IKBKE: variants seen among roughly 807,000 people sequenced by gnomAD.
IKBKE encodes inhibitor of nuclear factor kappa-B kinase subunit epsilon.
In IKBKE, 45 loss-of-function variants were observed where a neutral mutation model predicts 92.1. The observed-to-expected ratio is 0.49, with a 90% CI of 0.38 to 0.63. IKBKE has a LOEUF of 0.63. Ranked by LOEUF, IKBKE falls within the 20% of genes least tolerant of loss-of-function variation. IKBKE has a pLI of 0.00. For synonymous variants in IKBKE, 374 were observed against 380.3 expected, an observed-to-expected ratio of 0.98 and a Z score of 0.19; for missense variants, 700 against 932.8, an observed-to-expected ratio of 0.75 and a Z score of 3.25.
rs1665519024 is a variant in IKBKE at position 206,483,866 on chromosome 1, TC to T, written c.1428-1127del. ...CCACCTTCTGGACTCATCTAGAGCT[TC>T]CCCTTGAAGTTGTTTGTCTTGTCCT... On this transcript the variant is annotated intron_variant, in intron 13 of 21. Coordinates refer to ENST00000581977, the MANE Select transcript of IKBKE (RefSeq NM_014002.4). Among the ~76,000 whole-genome samples, 6 of 152,338 alleles carry T rather than the reference TC, an allele frequency of 3.9e-5. No individual in the cohort carries two copies. In the South Asian group the frequency reaches 1.2e-3, roughly 32 times the overall value.
chr1:206,486,956 C>T lies in IKBKE; in HGVS notation c.1617-958C>T, dbSNP rs572895259. 2.0e-5 allele frequency among the ~76,000 whole-genome samples: 3 copies of T among 152,318 alleles called. No individual in the cohort carries two copies. In the East Asian group the frequency reaches 5.8e-4, roughly 29 times the overall value. On this transcript the variant is annotated intron_variant, in intron 15 of 21. Coordinates refer to ENST00000581977, the MANE Select transcript of IKBKE (RefSeq NM_014002.4). Reference sequence around the variant, plus strand: ...AAGGCCCCATCCATTTGGATGAAGGCTGCAGATCTGAGCCCTGTCCTTTTG... The same window carrying T: ...AAGGCCCCATCCATTTGGATGAAGGTTGCAGATCTGAGCCCTGTCCTTTTG...
At position 206,487,637 on chromosome 1, in the gene IKBKE, T is replaced by G. The variant is rs782364805; in HGVS notation, c.1617-277T>G. ...CCACGTTCCTGTTGCCCGTCCTGCT[T>G]GGCTTCCTGTCTCTCTTATCTCCTA... is the stretch of plus-strand genomic sequence containing the variant. On this transcript the variant is annotated intron_variant, in intron 15 of 21. Coordinates refer to ENST00000581977, the MANE Select transcript of IKBKE (RefSeq NM_014002.4). The surrounding 1 kb of genome is among the most constrained non-coding windows in gnomAD (Gnocchi z 5.3). 6.6e-6 allele frequency among the ~76,000 whole-genome samples: 1 copy of G among 152,142 alleles called. No homozygotes were observed. Among genetic ancestry groups the G allele is most frequent in the Non-Finnish European group, 1.5e-5 (1 of 68,028 alleles).
chr1:206,496,038 G>T, intron 21 of IKBKE, 74 bp from the exon 22 acceptor site: 1 of 1,160,874 alleles, frequency 8.6e-7, no homozygotes, highest in South Asian at 1.3e-5. Context: ...AAAGCTAATT[G>T]TGCTGGGCCC....
At position 206,496,159 on chromosome 1, in the gene IKBKE, C is replaced by T. The variant is rs1553392037; in HGVS notation, c.*14C>T. On this transcript the variant is annotated 3_prime_UTR_variant, in exon 22 of 22. Transcript: ENST00000581977. Reference sequence around the variant, plus strand: ...CCTGATGTCTGAGCTCCATGGGGCACATGAGGCATCCTGAAGCATTAGAAT... The same window carrying T: ...CCTGATGTCTGAGCTCCATGGGGCATATGAGGCATCCTGAAGCATTAGAAT... 1.2e-6 allele frequency: 2 copies of T among 1,606,650 alleles called. No individual in the cohort carries two copies. The highest frequency in any genetic ancestry group is 1.7e-6 in the Non-Finnish European group (2 of 1,173,130).
intron 4 of IKBKE, 83 bp from the exon 5 acceptor site, chr1:206,474,782 G>A (rs1664968109): frequency 6.6e-7 from 1 of 1,518,140 alleles, no homozygotes; most frequent in African/African-American, 1.4e-5. Context: ...TGGGGGCTCT[G>A]GGCTCCAGGC....
At chr1:206,494,368 AC>A (rs1197640952) in intron 21 of IKBKE, among the ~76,000 whole-genome samples, 2 of 152,106 alleles carry the variant, frequency 1.3e-5, no homozygotes, top group African/African-American at 4.8e-5. Context: ...CCAGGAAGCC[AC>A]AGCGCAGACA....
chr1:206,494,006 C>T lies in IKBKE; in HGVS notation c.2117+15C>T. 2 of 1,612,272 alleles carry T rather than the reference C, an allele frequency of 1.2e-6. No individual in the cohort carries two copies. Among genetic ancestry groups the T allele is most frequent in the Non-Finnish European group, 1.7e-6 (2 of 1,178,314 alleles). ...ATCATCGAACGGTAAGGAGCTTTCA[C>T]CTTGTGTAGGTCAGGGCCGGGTCTT... On this transcript the variant is annotated intron_variant, in intron 21 of 21. Transcript: ENST00000581977.
In IKBKE at chr1:206,480,455, T is replaced by C; in HGVS notation, c.1349T>C (p.Leu450Pro). ...AGTCTCCCCTTGGACAGGGAGGTGCTCCAGGCCACATGCAGACGGACTCTG... is the reference window on the plus strand; with the variant it reads ...AGTCTCCCCTTGGACAGGGAGGTGCCCCAGGCCACATGCAGACGGACTCTG... Reference protein sequence around the residue: ...FRGLHWVMEVLQATCRRTLEV... With the variant: ...FRGLHWVMEVPQATCRRTLEV... The change falls in exon 13 of 22, where the codon CTC (leucine) becomes CCC (proline). Residue 450 changes from leucine (L) to proline (P), a missense_variant. By Grantham distance (98) the Leu-to-Pro change is moderately conservative (BLOSUM62 -3). Transcript: ENST00000581977. 6.2e-7 allele frequency: 1 copy of C among 1,613,534 alleles called. No homozygotes were observed.
At position 206,492,870 on chromosome 1, in the gene IKBKE, C is replaced by T. The variant is rs41299862; in HGVS notation, c.1836-153C>T. On this transcript the variant is annotated intron_variant, in intron 18 of 21. Transcript: ENST00000581977. Reference sequence around the variant, plus strand: ...GCATTATTGCAGTGGGGCGGGCAAGCGTGGAGGGCACAGCTGGCAGGGCAG... The same window carrying T: ...GCATTATTGCAGTGGGGCGGGCAAGTGTGGAGGGCACAGCTGGCAGGGCAG... 9.5e-4 allele frequency: 693 copies of T among 728,496 alleles called. 5 individuals are homozygous for T. The African/African-American group carries it at 9.8e-3, about 10-fold the overall frequency. 45.1% of individuals were successfully genotyped at this position (728,496 alleles called of 1,614,324 possible).
intron 2 of IKBKE, chr1:206,472,871 G>A (rs375841718): frequency 3.2e-6 from 1 of 316,102 alleles, no homozygotes; most frequent in African/African-American, 2.3e-5. Flanking sequence ...GGGAGAGGTG[G>A]TAGAGACAAG....
At position 206,473,227 on chromosome 1, in the gene IKBKE, G is replaced by A; in HGVS notation, c.-1G>A. The A allele has an allele frequency of 6.2e-7, 1 of 1,611,228 alleles. No homozygotes were observed. On this transcript the variant is annotated 5_prime_UTR_variant, in exon 3 of 22. Transcript: ENST00000581977. ...GGTGACCAGCCAGCTCAGGGCAGGA[G>A]ATGCAGAGCACAGCCAATTACCTGT...
At chr1:206,489,445 G>C (rs939312767) in intron 16 of IKBKE, among the ~76,000 whole-genome samples, 10 of 148,832 alleles carry the variant, frequency 6.7e-5, no homozygotes, top group Non-Finnish European at 1.2e-4. Context: ...GCTCATGTCT[G>C]TAATCTCAGC....
rs1553386562 is a variant in IKBKE at position 206,480,007 on chromosome 1, A to G, written c.1249-15A>G. The G allele has an allele frequency of 6.2e-7, 1 of 1,610,922 alleles. No homozygotes were observed. The highest frequency in any genetic ancestry group is 1.7e-5 in the Admixed American group (1 of 59,378). On this transcript the variant is annotated splice_polypyrimidine_tract_variant and intron_variant, in intron 11 of 21. Transcript: ENST00000581977. ...GGAGGTGTGGGACCTGGCCCTGTGC[A>G]TCTCTGTGTTTCAGGGCGTGTTGGG...
chr1:206,473,387 C>A, intron 3 of IKBKE, 73 bp downstream of exon 3: 2 of 1,122,180 alleles, frequency 1.8e-6, no homozygotes, highest in South Asian at 1.4e-5. Context: ...CTGGCCCAGT[C>A]AGCCCCCAGT....
Position 206,480,052 on chromosome 1 carries a change from C to A in IKBKE, c.1279C>A (p.Arg427=), listed in dbSNP as rs374485120. ...GVLGAGYQAL[R]LARALLDGQE... ...GTTGGGCGCCGGCTACCAGGCCCTG[C>A]GGCTGGCACGGGCCCTGCTGGATGG... The change falls in exon 12 of 22, where the codon CGG becomes AGG. Residue 427 remains arginine, a synonymous_variant. Coordinates refer to ENST00000581977, the MANE Select transcript of IKBKE (RefSeq NM_014002.4). 5 of 1,604,864 alleles carry A rather than the reference C, an allele frequency of 3.1e-6. No individual in the cohort carries two copies. The highest frequency in any genetic ancestry group is 2.2e-5 in the South Asian group (2 of 89,948).
rs41299015 is a variant in IKBKE, at chr1:206,485,235, G to C, written c.1545G>C (p.Glu515Asp). The C allele has an allele frequency of 1.1e-3, 1,735 of 1,614,040 alleles. 20 individuals carry two copies. In the African/African-American group the frequency reaches 0.021, roughly 20 times the overall value. The change falls in exon 15 of 22, where the codon GAG becomes GAC. Residue 515 changes from glutamate (E) to aspartate (D), a missense_variant. By Grantham distance (45) the Glu-to-Asp change is conservative (BLOSUM62 2). Coordinates refer to ENST00000581977, the MANE Select transcript of IKBKE (RefSeq NM_014002.4). The surrounding 1 kb of genome is among the most constrained non-coding windows in gnomAD (Gnocchi z 5.0). ...VLSRCSQNITETQESLSSLNR... is the reference protein window; with the variant it reads ...VLSRCSQNITDTQESLSSLNR... ...CCAGATGCTCCCAAAATATCACGGAGACCCAGGAGAGCCTGAGCAGCCTGA... is the reference window on the plus strand; with the variant it reads ...CCAGATGCTCCCAAAATATCACGGACACCCAGGAGAGCCTGAGCAGCCTGA...
Position 206,478,808 on chromosome 1 carries a change from A to G in IKBKE, c.993-135A>G, listed in dbSNP as rs2103460503. Reference sequence around the variant, plus strand: ...CTCTCCACCCTTGATGACAGAGAAAACCACCCCCGTCCCTCCCTCTGCAAA... The same window carrying G: ...CTCTCCACCCTTGATGACAGAGAAAGCCACCCCCGTCCCTCCCTCTGCAAA... On this transcript the variant is annotated intron_variant, in intron 9 of 21. Coordinates refer to ENST00000581977, the MANE Select transcript of IKBKE (RefSeq NM_014002.4). This position sits in a 1 kb window ranked among gnomAD's most constrained non-coding sequence, Gnocchi z 4.8. 2 of 725,952 alleles carry G rather than the reference A, an allele frequency of 2.8e-6. No individual in the cohort carries two copies. Among genetic ancestry groups the G allele is most frequent in the Admixed American group, 2.0e-5 (1 of 49,968 alleles). 45.0% of individuals were successfully genotyped at this position (725,952 alleles called of 1,614,324 possible).
At chr1:206,475,793 G>A (rs1665033661) in intron 5 of IKBKE, among the ~76,000 whole-genome samples, 2 of 151,942 alleles carry the variant, frequency 1.3e-5, no homozygotes, top group South Asian at 4.1e-4. Context: ...TGGTGTGATG[G>A]TGGCACAGCA....
intron 13 of IKBKE, among the ~76,000 whole-genome samples, chr1:206,481,206 C>T (rs1384762443): frequency 6.6e-6 from 1 of 152,218 alleles, no homozygotes; most frequent in African/African-American, 2.4e-5. Context: ...TCCTGGAAGG[C>T]ACGAGGCCAT....
Sources: allele counts gnomAD v4.1 joint callset (sites outside exome capture counted in the v4.1 genomes callset), GRCh38; gene constraint gnomAD v4.1.1; non-coding constraint Gnocchi (gnomAD v3.1); transcripts MANE v1.5; gene names NCBI Gene and HGNC (gene_info 2026-07-23, HGNC 2026-07-21).